The following RBFOX1 variants were observed in gnomAD, a reference collection of about 807,000 sequenced individuals.
RBFOX1 encodes the protein RNA binding protein fox-1 homolog 1.
Under a neutral mutation model 57.7 loss-of-function variants are expected in RBFOX1, and 8 were observed. The observed-to-expected ratio is 0.14, with a 90% CI of 0.08 to 0.25. The LOEUF (loss-of-function observed/expected upper bound fraction) is 0.25. Among genes scored for constraint, RBFOX1 ranks in the 10% least tolerant of loss-of-function variants. The probability of loss-of-function intolerance (pLI) is 1.00; values close to 1 mark genes in which losing one functional copy is unlikely to be tolerated. For synonymous variants in RBFOX1, 326 were observed against 222.4 expected (o/e 1.47, Z -4.15); for missense variants, 611 against 548.5 (o/e 1.11, Z -1.14).
chr16:7,248,501 C>G (rs1482524941), intron 4 of RBFOX1, among the ~76,000 whole-genome samples: 1 of 152,184 alleles, frequency 6.6e-6, no homozygotes, highest in East Asian at 1.9e-4. Flanking sequence ...GCTGGCTTAG[C>G]TGAATTAGGG....
chr16:5,662,686 T>G (rs2049696236), intron 3 of RBFOX1, among the ~76,000 whole-genome samples: 1 of 152,214 alleles, frequency 6.6e-6, no homozygotes, highest in South Asian at 2.1e-4. Context: ...TTGTGTGGAA[T>G]TTTTTGAATG....
rs147138797 is a variant in RBFOX1, at chr16:5,707,910, G to C, written c.318+108949G>C. Reference sequence around the variant, plus strand: ...TCCAGCTCTGTACTTAATACTATTTGTAACTTTGAGGGTGGTATTTCTAAG... The same window carrying C: ...TCCAGCTCTGTACTTAATACTATTTCTAACTTTGAGGGTGGTATTTCTAAG... On this transcript the variant is annotated intron_variant, in intron 3 of 19. Coordinates refer to the RBFOX1 transcript ENST00000641259. Among the ~76,000 whole-genome samples, 5 of 152,246 alleles carry C rather than the reference G, an allele frequency of 3.3e-5. No individual in the cohort carries two copies. The East Asian group carries it at 9.7e-4, about 29-fold the overall frequency.
chr16:7,347,160 C>T (rs375986539), intron 4 of RBFOX1, among the ~76,000 whole-genome samples: 15 of 151,964 alleles, frequency 9.9e-5, no homozygotes, highest in Non-Finnish European at 1.8e-4. Context: ...TTTTGGTTGT[C>T]GTAAGTGGAT....
intron 4 of RBFOX1, among the ~76,000 whole-genome samples, chr16:7,269,423 C>A (rs1414628541): frequency 3.3e-5 from 5 of 152,046 alleles, no homozygotes; most frequent in Non-Finnish European, 1.5e-5. Context: ...TGATATTTCT[C>A]TTTTTGGGGT....
chr16:6,944,209 A>G (rs13332658), intron 3 of RBFOX1, among the ~76,000 whole-genome samples: 1,807 of 151,940 alleles, frequency 0.012, 34 homozygotes, highest in African/African-American at 0.041. Context: ...AGCCTGCCCA[A>G]CACAGTGAAA....
chr16:7,290,297 G>T lies in RBFOX1; in HGVS notation c.28-227850G>T, dbSNP rs530560096. Among the ~76,000 whole-genome samples the T allele has an allele frequency of 2.6e-5, 4 of 152,224 alleles. No individual in the cohort carries two copies. In the South Asian group the frequency reaches 6.2e-4, roughly 24 times the overall value. ...GATAGATAATATTGTTTTCAATTAG[G>T]CTTATAATCCAATTCATTTCAGTCT... On this transcript the variant is annotated intron_variant, in intron 4 of 15. Coordinates refer to ENST00000550418, the MANE Select transcript of RBFOX1 (RefSeq NM_018723.4).
intron 4 of RBFOX1, among the ~76,000 whole-genome samples, chr16:7,149,345 ATC>A (rs1304926550): frequency 2.0e-5 from 3 of 152,042 alleles, no homozygotes; most frequent in Non-Finnish European, 4.4e-5. Flanking sequence ...TCTTGGTTTT[ATC>A]TCTCAATAAT....
chr16:5,390,583 C>G (rs1045040595), intron 1 of RBFOX1, among the ~76,000 whole-genome samples: 6 of 152,162 alleles, frequency 3.9e-5, no homozygotes, highest in Non-Finnish European at 5.9e-5. Context: ...GCCACCACGC[C>G]TGGCCTCATA....
intron 2 of RBFOX1, among the ~76,000 whole-genome samples, chr16:5,495,096 C>T (rs934894938): frequency 6.6e-6 from 1 of 152,192 alleles, no homozygotes; most frequent in African/African-American, 2.4e-5. Context: ...CTTCTGCAGG[C>T]TGTGCATGGC....
intron 3 of RBFOX1, among the ~76,000 whole-genome samples, chr16:6,808,153 C>T (rs187105465): frequency 1.1e-3 from 116 of 108,370 alleles, no homozygotes; most frequent in African/African-American, 4.4e-3. Flanking sequence ...CATATTATAC[C>T]TTATATATGT....
In RBFOX1 at chr16:7,305,275, C is replaced by T. The variant is rs116288270; in HGVS notation, c.28-212872C>T. ...TCTTTCTCAGGGTGTTTCCTTGGGA[C>T]CCTCTCTGCTCTGTCATTCTTTCTT... is the stretch of plus-strand genomic sequence containing the variant. On this transcript the variant is annotated intron_variant, in intron 4 of 15. Transcript: ENST00000550418. Among the ~76,000 whole-genome samples, 716 of 152,040 alleles carry T rather than the reference C, an allele frequency of 4.7e-3. 3 individuals carry two copies. The highest frequency in any genetic ancestry group is 0.016 in the African/African-American group (674 of 41,444).
intron 4 of RBFOX1, among the ~76,000 whole-genome samples, chr16:5,875,646 G>A (rs1005728379): frequency 6.6e-6 from 1 of 152,142 alleles, no homozygotes. Context: ...AATAGCAGAA[G>A]TATCAACTAG....
intron 4 of RBFOX1, among the ~76,000 whole-genome samples, chr16:7,470,711 G>A (rs527395239): frequency 2.0e-5 from 3 of 151,966 alleles, no homozygotes; most frequent in African/African-American, 7.3e-5. Context: ...TAGATGGGGG[G>A]AAAGATGAAT....
At chr16:5,282,889 C>T (rs1334832224) in intron 1 of RBFOX1, among the ~76,000 whole-genome samples, 6 of 152,198 alleles carry the variant, frequency 3.9e-5, no homozygotes, top group Non-Finnish European at 7.3e-5. Context: ...AAGTGTGAAT[C>T]CCCGTCAATG....
At chr16:6,904,599 T>TA (rs71147623) in intron 3 of RBFOX1, among the ~76,000 whole-genome samples, 5,350 of 63,832 alleles carry the variant, frequency 0.084, 333 homozygotes, top group Middle Eastern at 0.11. Context: ...AGACTCTCTC[T>TA]AAAAAAAAAA....
chr16:6,503,885 C>T (rs747630553), intron 2 of RBFOX1, among the ~76,000 whole-genome samples: 2 of 152,192 alleles, frequency 1.3e-5, no homozygotes, highest in Non-Finnish European at 2.9e-5. Flanking sequence ...GCAAGCCATG[C>T]ACTGAAGGGA....
intron 2 of RBFOX1, among the ~76,000 whole-genome samples, chr16:6,518,681 A>C (rs2096433081): frequency 6.6e-6 from 1 of 151,952 alleles, no homozygotes; most frequent in South Asian, 2.1e-4. Flanking sequence ...CTGCCCTTTG[A>C]ATTTTATCTA....
intron 3 of RBFOX1, among the ~76,000 whole-genome samples, chr16:6,831,021 C>T (rs1031194565): frequency 5.9e-5 from 9 of 152,206 alleles, no homozygotes; most frequent in Non-Finnish European, 7.3e-5. Flanking sequence ...ACCATCTAAG[C>T]CTTTTCCCAA....
chr16:5,641,217 A>G (rs2048862624), intron 3 of RBFOX1, among the ~76,000 whole-genome samples: 1 of 152,198 alleles, frequency 6.6e-6, no homozygotes, highest in African/African-American at 2.4e-5. Context: ...ATGCATACAT[A>G]CATGCATGCA....
Sources: allele counts gnomAD v4.1 joint callset (sites outside exome capture counted in the v4.1 genomes callset), GRCh38; gene constraint gnomAD v4.1.1; transcripts MANE v1.5; gene names NCBI Gene and HGNC (gene_info 2026-07-23, HGNC 2026-07-21).